STX18: variants seen among roughly 807,000 people sequenced by gnomAD.
STX18 encodes syntaxin-18.
In STX18, 40 loss-of-function variants were observed where a neutral mutation model predicts 50.1. The ratio of observed to expected loss-of-function variants is 0.80; its 90% CI spans 0.62 to 1.04. The LOEUF is 1.04. Among genes scored for constraint, STX18 ranks in the 50% least tolerant of loss-of-function variants. The pLI is 0.00. For missense variants in STX18, 410 were observed against 415.8 expected, an observed-to-expected ratio of 0.99 and a Z score of 0.12; for synonymous variants, 158 against 151.8, an observed-to-expected ratio of 1.04 and a Z score of -0.30.
At chr4:4,508,434 T>C (rs972494528) in intron 1 of STX18, among the ~76,000 whole-genome samples, 2 of 152,272 alleles carry the variant, frequency 1.3e-5, no homozygotes, top group African/African-American at 2.4e-5. Flanking sequence ...AGATTATATA[T>C]AAAATATACA....
intron 1 of STX18, among the ~76,000 whole-genome samples, chr4:4,479,444 A>G (rs1030702910): frequency 2.6e-5 from 4 of 152,234 alleles, no homozygotes; most frequent in Admixed American, 1.3e-4. Context: ...TAGAAGGGAC[A>G]TAGTGAGATC....
intron 5 of STX18, among the ~76,000 whole-genome samples, chr4:4,444,252 T>A (rs1346001903): frequency 2.0e-5 from 3 of 152,212 alleles, no homozygotes; most frequent in African/African-American, 7.2e-5. Flanking sequence ...GCTCTATAAA[T>A]AAGTTCCCCC....
intron 1 of STX18, among the ~76,000 whole-genome samples, chr4:4,501,284 A>G (rs1464039218): frequency 1.3e-5 from 2 of 152,086 alleles, no homozygotes; most frequent in Non-Finnish European, 2.9e-5. Flanking sequence ...ATATAGCCAC[A>G]TTTTTGCGAC....
At chr4:4,455,125 C>T (rs991117573) in intron 5 of STX18, among the ~76,000 whole-genome samples, 4 of 152,224 alleles carry the variant, frequency 2.6e-5, no homozygotes, top group African/African-American at 9.6e-5. Flanking sequence ...TGTCTGGTTG[C>T]AGAGTCTGGC....
At chr4:4,529,677 C>T (rs1297779930) in intron 1 of STX18, among the ~76,000 whole-genome samples, 1 of 152,200 alleles carries the variant, frequency 6.6e-6, no homozygotes, top group Non-Finnish European at 1.5e-5. Flanking sequence ...GCCAGGACTA[C>T]TCATCTCACA....
At chr4:4,466,262 G>A (rs1202211710) in intron 2 of STX18, among the ~76,000 whole-genome samples, 1 of 152,092 alleles carries the variant, frequency 6.6e-6, no homozygotes, top group Non-Finnish European at 1.5e-5. Flanking sequence ...TGACATGTGT[G>A]GATTGGAGTG....
chr4:4,429,987 T>G (rs932959273), intron 7 of STX18, among the ~76,000 whole-genome samples: 3 of 152,220 alleles, frequency 2.0e-5, no homozygotes, highest in Admixed American at 1.3e-4. Context: ...CTGAGGCAAG[T>G]AAAGTGAATG....
intron 1 of STX18, among the ~76,000 whole-genome samples, chr4:4,536,068 T>C (rs1731313810): frequency 1.3e-5 from 2 of 152,214 alleles, no homozygotes; most frequent in Admixed American, 6.5e-5. Flanking sequence ...TCCACTAGAA[T>C]GTAAATGTGT....
chr4:4,524,467 T>G (rs981931452), intron 1 of STX18, among the ~76,000 whole-genome samples: 1 of 152,158 alleles, frequency 6.6e-6, no homozygotes, highest in African/African-American at 2.4e-5. Flanking sequence ...GGATTGAGGA[T>G]AAGAATATCA....
At chr4:4,499,190 C>T (rs1422335176) in intron 1 of STX18, among the ~76,000 whole-genome samples, 1 of 152,176 alleles carries the variant, frequency 6.6e-6, no homozygotes, top group Non-Finnish European at 1.5e-5. Context: ...CAACCCATTT[C>T]AAATTTGAAA....
Position 4,419,927 on chromosome 4 carries a change from A to G in STX18, c.*107T>C. 1.1e-6 allele frequency: 1 copy of G among 894,658 alleles called. No homozygotes were observed. Among genetic ancestry groups the G allele is most frequent in the Non-Finnish European group, 1.8e-6 (1 of 570,974 alleles). 55.4% of individuals were successfully genotyped at this position (894,658 alleles called of 1,614,324 possible). A position where few individuals can be genotyped will look rare whatever the true frequency, so the allele number is the denominator to read the frequency against. On this transcript the variant is annotated 3_prime_UTR_variant, in exon 11 of 11. Transcript: ENST00000306200. The stretch of plus-strand genomic sequence containing the variant: ...CTGAACTCCTTTCCCTTCAAATGGC[A>G]CTGTGATAAAATCTGGTCATACCAT...
At chr4:4,513,418 G>C (rs936412593) in intron 1 of STX18, among the ~76,000 whole-genome samples, 18 of 152,258 alleles carry the variant, frequency 1.2e-4, no homozygotes, top group African/African-American at 4.3e-4. Context: ...ATAACCAAAG[G>C]ATAGAGAAAC....
intron 1 of STX18, among the ~76,000 whole-genome samples, chr4:4,484,024 G>A (rs1323067237): frequency 1.3e-5 from 2 of 151,748 alleles, no homozygotes; most frequent in African/African-American, 2.4e-5. Context: ...ACCATGCCCA[G>A]CTAATTTTTT....
intron 5 of STX18, among the ~76,000 whole-genome samples, chr4:4,454,931 A>G (rs1483978344): frequency 6.6e-6 from 1 of 152,258 alleles, no homozygotes; most frequent in African/African-American, 2.4e-5. Context: ...GTACAAATTA[A>G]CATTTATTAA....
intron 8 of STX18, among the ~76,000 whole-genome samples, chr4:4,424,086 A>G (rs1016042295): frequency 7.9e-5 from 12 of 151,320 alleles, no homozygotes; most frequent in African/African-American, 3.0e-4. Flanking sequence ...CTGTTCCAAG[A>G]AAAAAGCTCC....
intron 1 of STX18, among the ~76,000 whole-genome samples, chr4:4,485,822 GTA>G (rs566344155): frequency 1.9e-3 from 294 of 152,254 alleles, no homozygotes; most frequent in African/African-American, 6.5e-3. Flanking sequence ...GCTCTCCTCC[GTA>G]TCTTTTCTCC....
intron 1 of STX18, among the ~76,000 whole-genome samples, chr4:4,526,469 C>T (rs893565988): frequency 1.2e-4 from 18 of 152,290 alleles, no homozygotes; most frequent in African/African-American, 4.3e-4. Context: ...GAGGAGCTCT[C>T]TGGTGAGTTC....
chr4:4,517,589 G>A (rs1051318234), intron 1 of STX18, among the ~76,000 whole-genome samples: 2 of 152,062 alleles, frequency 1.3e-5, no homozygotes, highest in Admixed American at 1.3e-4. Flanking sequence ...TTTACAAAAT[G>A]CATAAACGTG....
intron 1 of STX18, among the ~76,000 whole-genome samples, chr4:4,533,348 A>C (rs890630563): frequency 2.0e-5 from 3 of 152,234 alleles, no homozygotes; most frequent in African/African-American, 7.2e-5. Context: ...TCCATGTAGT[A>C]AGAGACGTCA....
Sources: gnomAD v4.1 joint callset for allele counts (sites outside exome capture counted in the v4.1 genomes callset) on GRCh38, gnomAD v4.1.1 for gene constraint, MANE v1.5 for transcripts, NCBI Gene and HGNC (gene_info 2026-07-23, HGNC 2026-07-21) for gene names.